TMEM170A: variants seen among roughly 807,000 people sequenced by gnomAD.
TMEM170A encodes the protein transmembrane protein 170A, also known as transmembrane protein 170.
TMEM170A carries 18 observed loss-of-function variants against 12.8 expected under a neutral mutation model. The ratio of observed to expected loss-of-function variants is 1.41; its 90% CI spans 0.97 to 2.09. The LOEUF is 2.09. Ranked by LOEUF, TMEM170A falls within the 30% of genes most tolerant of loss-of-function variation. The pLI is 0.00. For missense variants in TMEM170A, 220 were observed against 179.9 expected, an observed-to-expected ratio of 1.22 and a Z score of -1.28; for synonymous variants, 107 against 76.2, an observed-to-expected ratio of 1.40 and a Z score of -2.11.
rs535965052 is a variant in TMEM170A, at chr16:75,444,756, G to A, written c.*2802C>T. On this transcript the variant is annotated 3_prime_UTR_variant, in exon 3 of 3. Transcript: ENST00000561878. ...CACTGGAGAATACTTCACCTACTGG[G>A]ATGGATGAAACACTCAGTAATTTGA... 6.6e-6 allele frequency: 1 copy of A among 152,160 alleles called. No individual in the cohort carries two copies. Among genetic ancestry groups the A allele is most frequent in the African/African-American group, 2.4e-5 (1 of 41,538 alleles). The allele number at this position is 152,160 out of a possible 1,614,324, so 9.4% of individuals were successfully genotyped here.
At chr16:75,450,750 C>A (rs1488706389) in intron 2 of TMEM170A, among the ~76,000 whole-genome samples, 1 of 152,146 alleles carries the variant, frequency 6.6e-6, no homozygotes, top group African/African-American at 2.4e-5. Flanking sequence ...GCCTGGACCT[C>A]CTGGCTCCAG....
At chr16:75,452,345 T>G (rs1181840042) in intron 1 of TMEM170A, among the ~76,000 whole-genome samples, 4 of 152,026 alleles carry the variant, frequency 2.6e-5, no homozygotes, top group Non-Finnish European at 5.9e-5. Context: ...CATGGCTCAC[T>G]GCAGCCTTGA....
Position 75,444,781 on chromosome 16 carries a change from A to C in TMEM170A, c.*2777T>G, listed in dbSNP as rs1391928396. The C allele has an allele frequency of 6.6e-6, 1 of 152,188 alleles. No homozygotes were observed. The highest frequency in any genetic ancestry group is 2.4e-5 in the African/African-American group (1 of 41,450). The allele number at this position is 152,188 out of a possible 1,614,324, so 9.4% of individuals were successfully genotyped here. On this transcript the variant is annotated 3_prime_UTR_variant, in exon 3 of 3. Coordinates refer to ENST00000561878, the MANE Select transcript of TMEM170A (RefSeq NM_145254.3). ...GATGGATGAAACACTCAGTAATTTG[A>C]AGATACCTTTTATACGTTTAGTTTT... is the stretch of plus-strand genomic sequence containing the variant.
In TMEM170A at chr16:75,454,002, C is replaced by T. The variant is rs560655843; in HGVS notation, c.134-2163G>A. ...CCAGCTACCCACAGGGAGGGACTGG[C>T]GGTGACACATTAGATAAAACCCACT... On this transcript the variant is annotated intron_variant, in intron 1 of 2. Coordinates refer to ENST00000561878, the MANE Select transcript of TMEM170A (RefSeq NM_145254.3). 6.6e-3 allele frequency among the ~76,000 whole-genome samples: 1,004 copies of T among 152,310 alleles called. 11 individuals are homozygous for T. Among genetic ancestry groups the T allele is most frequent in the Middle Eastern group, 0.017 (5 of 294 alleles).
intron 1 of TMEM170A, among the ~76,000 whole-genome samples, chr16:75,462,534 G>A (rs1296288413): frequency 6.6e-6 from 1 of 152,236 alleles, no homozygotes; most frequent in East Asian, 1.9e-4. Flanking sequence ...TTGATGTGAT[G>A]TACTGGTGAG....
intron 1 of TMEM170A, among the ~76,000 whole-genome samples, chr16:75,452,455 C>T (rs890676082): frequency 6.6e-4 from 100 of 151,060 alleles, no homozygotes; most frequent in Non-Finnish European, 1.1e-3. Flanking sequence ...TTTTAATTTT[C>T]TTTTTTTATG....
At chr16:75,459,140 C>T (rs542003230) in intron 1 of TMEM170A, among the ~76,000 whole-genome samples, 62 of 152,248 alleles carry the variant, frequency 4.1e-4, no homozygotes, top group Non-Finnish European at 7.9e-4. Flanking sequence ...GTGATCCACC[C>T]GCCTTGGCCT....
chr16:75,448,421 T>C (rs985898448), intron 2 of TMEM170A, among the ~76,000 whole-genome samples: 1 of 152,178 alleles, frequency 6.6e-6, no homozygotes, highest in African/African-American at 2.4e-5. Flanking sequence ...GAGTTCAGCA[T>C]TATACCAAGG....
intron 1 of TMEM170A, among the ~76,000 whole-genome samples, chr16:75,457,703 C>T (rs1281655414): frequency 1.1e-4 from 16 of 152,206 alleles, no homozygotes; most frequent in Admixed American, 1.0e-3. Flanking sequence ...CACCAACCCA[C>T]ATCTCAATTT....
chr16:75,462,035 G>A (rs972916764), intron 1 of TMEM170A, among the ~76,000 whole-genome samples: 2 of 152,114 alleles, frequency 1.3e-5, no homozygotes, highest in African/African-American at 4.8e-5. Flanking sequence ...TACATATGAC[G>A]TTTAATTAAC....
Position 75,447,451 on chromosome 16 carries a change from C to A in TMEM170A, c.*107G>T. 1 of 1,267,208 alleles carries A rather than the reference C, an allele frequency of 7.9e-7. No individual in the cohort carries two copies. Among genetic ancestry groups the A allele is most frequent in the Non-Finnish European group, 1.0e-6 (1 of 960,368 alleles). The allele number at this position is 1,267,208 out of a possible 1,614,324, so 78.5% of individuals were successfully genotyped here. A position where few individuals can be genotyped will look rare whatever the true frequency, so the allele number is the denominator to read the frequency against. On this transcript the variant is annotated 3_prime_UTR_variant, in exon 3 of 3. Transcript: ENST00000561878. ...TGTTGTCCTTCATGTTCCTGTTCAT[C>A]CAAGTTGCTTCCCTTTGAAGAACTA... is the stretch of plus-strand genomic sequence containing the variant.
At chr16:75,448,654 C>G (rs1247315412) in intron 2 of TMEM170A, among the ~76,000 whole-genome samples, 2 of 151,906 alleles carry the variant, frequency 1.3e-5, no homozygotes, top group Non-Finnish European at 2.9e-5. Context: ...ATCCCTACTA[C>G]TCGGGAGGCT....
intron 1 of TMEM170A, among the ~76,000 whole-genome samples, chr16:75,459,649 G>C (rs796333029): frequency 6.6e-5 from 10 of 152,086 alleles, no homozygotes; most frequent in African/African-American, 2.2e-4. Context: ...CTGAGGTCAG[G>C]AGTTCAAGAC....
chr16:75,447,700 T>C lies in TMEM170A; in HGVS notation c.305-12A>G, dbSNP rs1162497981. On this transcript the variant is annotated splice_polypyrimidine_tract_variant and intron_variant, in intron 2 of 2. Coordinates refer to ENST00000561878, the MANE Select transcript of TMEM170A (RefSeq NM_145254.3). ...AGCAATAGCTGCACCTGATTTAAAA[T>C]GCAAGAATGTTAAACAAAAACAAAA... is the stretch of plus-strand genomic sequence containing the variant. 1.9e-6 allele frequency: 3 copies of C among 1,569,862 alleles called. No individual in the cohort carries two copies. Among genetic ancestry groups the C allele is most frequent in the South Asian group, 2.4e-5 (2 of 84,148 alleles).
Position 75,451,756 on chromosome 16 carries a change from G to A in TMEM170A, c.217C>T (p.Leu73Phe), listed in dbSNP as rs748483451. 6.2e-7 allele frequency: 1 copy of A among 1,614,168 alleles called. No homozygotes were observed. The highest frequency in any genetic ancestry group is 1.1e-5 in the South Asian group (1 of 91,084). The change falls in exon 2 of 3, where the codon CTC becomes TTC. Residue 73 changes from leucine (L) to phenylalanine (F), a missense_variant. Physicochemically the swap from Leu to Phe is conservative, Grantham distance 22 (BLOSUM62 0). Transcript: ENST00000561878. The part of the protein sequence containing the change: ...VPAGLLALFT[L>F]RHHKYGRFMS... ...AACCTACCATATTTGTGATGTCTGA[G>A]GGTGAAGAGGGCCAGTAATCCAGCA...
intron 1 of TMEM170A, among the ~76,000 whole-genome samples, chr16:75,462,779 A>AT (rs796572696): frequency 6.6e-6 from 1 of 152,106 alleles, no homozygotes; most frequent in Non-Finnish European, 1.5e-5. Context: ...GAATATATAT[A>AT]TTTTTTTAAG....
At chr16:75,458,859 G>A (rs2079847262) in intron 1 of TMEM170A, 1 of 152,108 alleles carries the variant, frequency 6.6e-6, no homozygotes, top group South Asian at 2.1e-4. Context: ...AGATATTTGA[G>A]GATTTCCTTG....
chr16:75,443,460 T>C lies in TMEM170A; in HGVS notation c.*4098A>G, dbSNP rs549975973. Reference sequence around the variant, plus strand: ...TGCAAGTACACGACATTTCTGCATATGGTCTGCTAATGGCACCGATGCTTC... The same window carrying C: ...TGCAAGTACACGACATTTCTGCATACGGTCTGCTAATGGCACCGATGCTTC... On this transcript the variant is annotated 3_prime_UTR_variant, in exon 3 of 3. Transcript: ENST00000561878. 6 of 152,294 alleles carry C rather than the reference T, an allele frequency of 3.9e-5. No individual in the cohort carries two copies. Among genetic ancestry groups the C allele is most frequent in the East Asian group, 1.9e-4 (1 of 5,184 alleles). The allele number at this position is 152,294 out of a possible 1,614,324, so 9.4% of individuals were successfully genotyped here. A position where few individuals can be genotyped will look rare whatever the true frequency, so the allele number is the denominator to read the frequency against.
At chr16:75,459,632 G>C (rs142578187) in intron 1 of TMEM170A, among the ~76,000 whole-genome samples, 3 of 152,086 alleles carry the variant, frequency 2.0e-5, no homozygotes, top group African/African-American at 7.2e-5. Flanking sequence ...CGAGGTAGGA[G>C]GATCACCTGA....
Sources: allele counts gnomAD v4.1 joint callset (sites outside exome capture counted in the v4.1 genomes callset), GRCh38; gene constraint gnomAD v4.1.1; transcripts MANE v1.5; gene names NCBI Gene and HGNC (gene_info 2026-07-23, HGNC 2026-07-21).